The following NMNAT2 variants were observed in gnomAD, a reference collection of about 807,000 sequenced individuals.
NMNAT2 encodes nicotinamide nucleotide adenylyltransferase 2.
A neutral mutation model predicts 41.6 loss-of-function variants in NMNAT2; 11 were observed. The ratio of observed to expected loss-of-function variants is 0.26; its 90% CI spans 0.17 to 0.44. NMNAT2 has a LOEUF of 0.44. NMNAT2 is among the 20% of genes least tolerant of loss of function. The pLI is 1.00. For missense variants in NMNAT2, 288 were observed against 407.7 expected, an observed-to-expected ratio of 0.71 and a Z score of 2.53; for synonymous variants, 148 against 151.2, an observed-to-expected ratio of 0.98 and a Z score of 0.16.
At chr1:183,352,052 G>C (rs1663069546) in intron 1 of NMNAT2, among the ~76,000 whole-genome samples, 1 of 152,018 alleles carries the variant, frequency 6.6e-6, no homozygotes. Context: ...TTTTCCCAGG[G>C]CTCTCCTGGG....
intron 1 of NMNAT2, among the ~76,000 whole-genome samples, chr1:183,328,600 C>T (rs1251200083): frequency 6.6e-6 from 1 of 152,296 alleles, no homozygotes; most frequent in East Asian, 1.9e-4. Flanking sequence ...GCTAGCAATC[C>T]TCCTGGCTCT....
rs994816564 is a variant in NMNAT2 at position 183,279,348 on chromosome 1, G to C, written c.575-719C>G. On this transcript the variant is annotated intron_variant, in intron 7 of 10. Transcript: ENST00000287713. ...CTGACTCACTTATTAAAACTGAGCA[G>C]TGGGGAACAACATTCTGAGAATACC... is the stretch of plus-strand genomic sequence containing the variant. Among the ~76,000 whole-genome samples, 7 of 152,238 alleles carry C rather than the reference G, an allele frequency of 4.6e-5. No individual in the cohort carries two copies. The East Asian group carries it at 1.3e-3, about 29-fold the overall frequency.
At chr1:183,328,760 G>T (rs1337711357) in intron 1 of NMNAT2, among the ~76,000 whole-genome samples, 1 of 152,226 alleles carries the variant, frequency 6.6e-6, no homozygotes, top group African/African-American at 2.4e-5. Flanking sequence ...GAGTCTCCTA[G>T]CCTGACCTGT....
At chr1:183,299,494 A>G (rs1426711007) in intron 1 of NMNAT2, among the ~76,000 whole-genome samples, 1 of 152,184 alleles carries the variant, frequency 6.6e-6, no homozygotes, top group Non-Finnish European at 1.5e-5. Flanking sequence ...TGCTTATTGT[A>G]TGATTTTATT....
intron 1 of NMNAT2, among the ~76,000 whole-genome samples, chr1:183,348,523 C>T: frequency 6.6e-6 from 1 of 152,094 alleles, no homozygotes; most frequent in East Asian, 1.9e-4. Context: ...GTCAAAAAAT[C>T]AGAGAAGGAG....
chr1:183,370,322 T>C (rs184227251), intron 1 of NMNAT2, among the ~76,000 whole-genome samples: 3 of 149,016 alleles, frequency 2.0e-5, no homozygotes, highest in Admixed American at 2.0e-4. Flanking sequence ...ACAGACCTAG[T>C]TCCAGGTACA....
chr1:183,416,614 G>T (rs1228463717), intron 1 of NMNAT2, among the ~76,000 whole-genome samples: 1 of 152,166 alleles, frequency 6.6e-6, no homozygotes, highest in African/African-American at 2.4e-5. Flanking sequence ...CTTAATAAAA[G>T]ACTTTTGAAA....
rs149687357 is a variant in NMNAT2 at position 183,275,000 on chromosome 1, G to A, written c.651+3553C>T. On this transcript the variant is annotated intron_variant, in intron 8 of 10. Transcript: ENST00000287713. Reference sequence around the variant, plus strand: ...AGAACGGGCCTGGTGATCACAATGGGGCCCAGCACGAGGCCTCCAGACTCA... The same window carrying A: ...AGAACGGGCCTGGTGATCACAATGGAGCCCAGCACGAGGCCTCCAGACTCA... 2.1e-3 allele frequency among the ~76,000 whole-genome samples: 316 copies of A among 152,106 alleles called. 6 individuals are homozygous for A. In the East Asian group the frequency reaches 0.052, roughly 25 times the overall value.
At chr1:183,415,705 A>G (rs183804132) in intron 1 of NMNAT2, among the ~76,000 whole-genome samples, 1 of 152,366 alleles carries the variant, frequency 6.6e-6, no homozygotes, top group East Asian at 1.9e-4. Flanking sequence ...GGAATAAGTA[A>G]CATAACATAG....
At chr1:183,304,523 G>T in intron 1 of NMNAT2, 1 of 675,630 alleles carries the variant, frequency 1.5e-6, no homozygotes, top group Non-Finnish European at 2.5e-6. Flanking sequence ...TAGGGATCAG[G>T]CTGATGTCCC....
intron 1 of NMNAT2, among the ~76,000 whole-genome samples, chr1:183,298,247 T>TA (rs1294827305): frequency 1.3e-5 from 2 of 151,302 alleles, no homozygotes; most frequent in Non-Finnish European, 3.0e-5. Flanking sequence ...AAAAGGAAAA[T>TA]AAAAAAACCT....
intron 1 of NMNAT2, among the ~76,000 whole-genome samples, chr1:183,346,101 G>A (rs1037245703): frequency 6.6e-6 from 1 of 152,072 alleles, no homozygotes; most frequent in African/African-American, 2.4e-5. Flanking sequence ...TCTGTCCCCT[G>A]ATTCCCAGCT....
rs1426483948 is a variant in NMNAT2 at position 183,341,737 on chromosome 1, A to AAC, written c.86-47945_86-47944insGT. On this transcript the variant is annotated intron_variant, in intron 1 of 10. Coordinates refer to ENST00000287713, the MANE Select transcript of NMNAT2 (RefSeq NM_015039.4). ...AACAAACAAACACCAAAAAAAAAAA[A>AAC]AAAAAAAAAACCTGTTTCCTTCACT... Among the ~76,000 whole-genome samples the AAC allele has an allele frequency of 2.5e-4, 33 of 134,112 alleles. 1 individual carries two copies. Among genetic ancestry groups the AAC allele is most frequent in the African/African-American group, 1.0e-3 (33 of 31,696 alleles). The allele number at this position is 134,112 out of a possible 152,430, so 88.0% of individuals were successfully genotyped here. A position where few individuals can be genotyped will look rare whatever the true frequency, so the allele number is the denominator to read the frequency against.
intron 1 of NMNAT2, among the ~76,000 whole-genome samples, chr1:183,310,798 A>G (rs892942126): frequency 3.3e-5 from 5 of 151,982 alleles, no homozygotes; most frequent in Non-Finnish European, 7.4e-5. Context: ...AAGGGAAACT[A>G]GAAACTCATA....
chr1:183,347,106 C>T (rs779759882), intron 1 of NMNAT2, among the ~76,000 whole-genome samples: 3 of 152,034 alleles, frequency 2.0e-5, no homozygotes, highest in African/African-American at 7.2e-5. Flanking sequence ...GTGAGTATTC[C>T]ATCACTACTA....
intron 1 of NMNAT2, among the ~76,000 whole-genome samples, chr1:183,326,767 A>G (rs1012380673): frequency 6.6e-6 from 1 of 152,214 alleles, no homozygotes; most frequent in African/African-American, 2.4e-5. Flanking sequence ...ATTGCAATGG[A>G]CAAGGTGAGA....
chr1:183,409,257 G>A (rs1649048497), intron 1 of NMNAT2, among the ~76,000 whole-genome samples: 1 of 152,126 alleles, frequency 6.6e-6, no homozygotes, highest in South Asian at 2.1e-4. Flanking sequence ...TTACCATAGT[G>A]TCACTTTATT....
At chr1:183,413,777 T>G (rs1346822195) in intron 1 of NMNAT2, among the ~76,000 whole-genome samples, 1 of 151,954 alleles carries the variant, frequency 6.6e-6, no homozygotes, top group Non-Finnish European at 1.5e-5. Context: ...CAGCTAATTT[T>G]TTTGTGTTTT....
chr1:183,334,049 C>T (rs1423157794), intron 1 of NMNAT2, among the ~76,000 whole-genome samples: 2 of 152,202 alleles, frequency 1.3e-5, no homozygotes, highest in Non-Finnish European at 2.9e-5. Flanking sequence ...GGGAAATGTG[C>T]ACGATGCCTC....
Sources: allele counts gnomAD v4.1 joint callset (sites outside exome capture counted in the v4.1 genomes callset), GRCh38; gene constraint gnomAD v4.1.1; transcripts MANE v1.5; gene names NCBI Gene and HGNC (gene_info 2026-07-23, HGNC 2026-07-21).